SRGAP3: variants seen among roughly 807,000 people sequenced by gnomAD.
The protein encoded by SRGAP3 is SLIT-ROBO Rho GTPase-activating protein 3.
In SRGAP3, 39 loss-of-function variants were observed where a neutral mutation model predicts 121.1. The observed-to-expected ratio is 0.32, with a 90% CI of 0.25 to 0.42. SRGAP3 has a LOEUF of 0.42. Among genes scored for constraint, SRGAP3 ranks in the 10% least tolerant of loss-of-function variants. SRGAP3 has a pLI of 1.00. For synonymous variants in SRGAP3, 601 were observed against 570.0 expected, an observed-to-expected ratio of 1.05 and a Z score of -0.77; for missense variants, 1,213 against 1,470.6, an observed-to-expected ratio of 0.82 and a Z score of 2.86.
chr3:9,237,471 A>G (rs200334321), intron 1 of SRGAP3, among the ~76,000 whole-genome samples: 3 of 152,236 alleles, frequency 2.0e-5, no homozygotes, highest in East Asian at 3.8e-4. Context: ...AAAATATCAT[A>G]TAGCTTTTAG....
At chr3:9,204,544 T>G (rs1014615815) in intron 1 of SRGAP3, among the ~76,000 whole-genome samples, 15 of 152,216 alleles carry the variant, frequency 9.9e-5, no homozygotes, top group African/African-American at 3.6e-4. Context: ...AGGGAGGGTG[T>G]GTACACAACA....
chr3:9,312,135 G>C (rs574645772), intron 3 of SRGAP3, among the ~76,000 whole-genome samples: 1 of 152,156 alleles, frequency 6.6e-6, no homozygotes, highest in African/African-American at 2.4e-5. Flanking sequence ...TTTTGTTTAT[G>C]TTGTTTTTTG....
At chr3:9,133,736 A>T (rs1949543636) in intron 1 of SRGAP3, among the ~76,000 whole-genome samples, 1 of 152,252 alleles carries the variant, frequency 6.6e-6, no homozygotes, top group Non-Finnish European at 1.5e-5. Flanking sequence ...ACATCACATA[A>T]GGATATCAAG....
intron 10 of SRGAP3, among the ~76,000 whole-genome samples, chr3:9,044,839 T>C (rs896154667): frequency 3.3e-5 from 5 of 152,202 alleles, no homozygotes; most frequent in Admixed American, 1.3e-4. Flanking sequence ...CCCTTCTTCC[T>C]TCACCCAATG....
intron 3 of SRGAP3, among the ~76,000 whole-genome samples, chr3:9,267,758 T>C (rs988890378): frequency 8.5e-5 from 13 of 152,154 alleles, no homozygotes; most frequent in Admixed American, 3.3e-4. Flanking sequence ...TATATCTCCA[T>C]ATGCTGTCTG....
chr3:9,245,829 G>A (rs1953798590), intron 1 of SRGAP3, among the ~76,000 whole-genome samples: 1 of 152,136 alleles, frequency 6.6e-6, no homozygotes, highest in African/African-American at 2.4e-5. Context: ...GAGGCTGAGG[G>A]AGGAGAATCT....
At chr3:9,139,928 ACAC>A (rs936742993) in intron 1 of SRGAP3, among the ~76,000 whole-genome samples, 11 of 152,334 alleles carry the variant, frequency 7.2e-5, no homozygotes, top group Non-Finnish European at 1.2e-4. Context: ...ATTCTATCAT[ACAC>A]CACCACATCA....
intron 17 of SRGAP3, among the ~76,000 whole-genome samples, chr3:9,012,827 G>A (rs1943441006): frequency 6.6e-6 from 1 of 152,150 alleles, no homozygotes; most frequent in Non-Finnish European, 1.5e-5. Flanking sequence ...AGCTTGTGTT[G>A]GAACATTTGG....
At chr3:9,012,704 C>T (rs1943436090) in intron 17 of SRGAP3, among the ~76,000 whole-genome samples, 3 of 152,130 alleles carry the variant, frequency 2.0e-5, no homozygotes, top group Admixed American at 2.0e-4. Flanking sequence ...CTAGTCACTC[C>T]CCTGCTTCCT....
At chr3:9,336,544 T>C (rs972288067) in intron 1 of SRGAP3, among the ~76,000 whole-genome samples, 2 of 151,822 alleles carry the variant, frequency 1.3e-5, no homozygotes, top group Non-Finnish European at 2.9e-5. Context: ...TAAAGAAATG[T>C]TGTTGGGAGA....
intron 3 of SRGAP3, among the ~76,000 whole-genome samples, chr3:9,275,723 G>A (rs1574964323): frequency 6.6e-6 from 1 of 152,126 alleles, no homozygotes; most frequent in Admixed American, 6.5e-5. Context: ...CCTCTGTCAT[G>A]ATTGTGAGGC....
chr3:9,254,611 T>G (rs918617319), upstream of SRGAP3, among the ~76,000 whole-genome samples: 1 of 152,006 alleles, frequency 6.6e-6, no homozygotes, highest in Non-Finnish European at 1.5e-5. Context: ...CTAGGCATCA[T>G]AGAGAGACCT....
intron 1 of SRGAP3, among the ~76,000 whole-genome samples, chr3:9,155,024 T>C (rs1950362876): frequency 6.6e-6 from 1 of 152,138 alleles, no homozygotes; most frequent in South Asian, 2.1e-4. Context: ...TTGCATCCTG[T>C]TTTTTAATCT....
chr3:9,236,665 T>C (rs1230577269), intron 1 of SRGAP3, among the ~76,000 whole-genome samples: 1 of 151,898 alleles, frequency 6.6e-6, no homozygotes, highest in Non-Finnish European at 1.5e-5. Flanking sequence ...TATCCTGAGG[T>C]CTCCCCAGAA....
At chr3:9,311,895 T>C (rs529547253) in intron 3 of SRGAP3, among the ~76,000 whole-genome samples, 1 of 152,358 alleles carries the variant, frequency 6.6e-6, no homozygotes, top group South Asian at 2.1e-4. Flanking sequence ...TCTCTGCTGA[T>C]AGGATTGAAC....
In SRGAP3 at chr3:8,990,606, A is replaced by G. The variant is rs771516958; in HGVS notation, c.2792T>C (p.Leu931Pro). ...CGACCTCATCGAGTGCCCTTCGGAGAGCGCCTTCTTGTCAGGGTAGTTGAT... is the reference window on the plus strand; with the variant it reads ...CGACCTCATCGAGTGCCCTTCGGAGGGCGCCTTCTTGTCAGGGTAGTTGAT... Reference protein sequence around the residue: ...GSINYPDKKALSEGHSMRSTC... With the variant: ...GSINYPDKKAPSEGHSMRSTC... The change falls in exon 21 of 22, where the codon CTC (leucine) becomes CCC (proline). Residue 931 changes from leucine (L) to proline (P), a missense_variant. Physicochemically the swap from Leu to Pro is moderately conservative, Grantham distance 98. Around this residue, in one of 2 missense-constraint regions of SRGAP3, gnomAD observed 420 missense variants for 437.7 expected, o/e 0.96. Transcript: ENST00000383836. The G allele has an allele frequency of 1.9e-6, 3 of 1,610,692 alleles. No individual in the cohort carries two copies. The highest frequency in any genetic ancestry group is 1.3e-5 in the African/African-American group (1 of 74,842).
chr3:9,271,104 C>A (rs1006548207), intron 3 of SRGAP3, among the ~76,000 whole-genome samples: 1 of 152,148 alleles, frequency 6.6e-6, no homozygotes, highest in East Asian at 1.9e-4. Context: ...GAGGCCAAGG[C>A]GGGCAGATCA....
At chr3:9,332,260 C>T (rs1470554786) in intron 1 of SRGAP3, among the ~76,000 whole-genome samples, 1 of 152,174 alleles carries the variant, frequency 6.6e-6, no homozygotes, top group South Asian at 2.1e-4. Flanking sequence ...GCTGGGATTA[C>T]AGGTGTGCAC....
intron 1 of SRGAP3, among the ~76,000 whole-genome samples, chr3:9,157,168 G>A (rs1210837907): frequency 6.6e-6 from 1 of 152,172 alleles, no homozygotes; most frequent in East Asian, 1.9e-4. Context: ...AGGCTATACA[G>A]GAGGCGTGAC....
Sources: gnomAD v4.1 joint callset for allele counts (sites outside exome capture counted in the v4.1 genomes callset) on GRCh38, gnomAD v4.1.1 for gene constraint, gnomAD v4.1.1 regional missense constraint, MANE v1.5 for transcripts, NCBI Gene and HGNC (gene_info 2026-07-23, HGNC 2026-07-21) for gene names.